Variants in MEI4 observed in about 807,000 individuals in gnomAD.
MEI4 encodes meiosis-specific protein MEI4.
A neutral mutation model predicts 31.4 loss-of-function variants in MEI4; 27 were observed. The observed-to-expected ratio is 0.86, with a 90% CI of 0.63 to 1.19. The LOEUF is 1.19. MEI4 is among the 50% of genes most tolerant of loss of function. The pLI is 0.00. For synonymous variants in MEI4, 122 were observed against 145.4 expected (o/e 0.84, Z 1.16); for missense variants, 329 against 398.9 (o/e 0.82, Z 1.49).
At chr6:77,695,091 C>T (rs1454021995) in intron 2 of MEI4, among the ~76,000 whole-genome samples, 1 of 152,204 alleles carries the variant, frequency 6.6e-6, no homozygotes, top group Non-Finnish European at 1.5e-5. Context: ...GTATCCTTCG[C>T]CCACTTTTTG....
intron 4 of MEI4, among the ~76,000 whole-genome samples, chr6:77,921,408 T>G (rs1766699730): frequency 6.6e-6 from 1 of 151,820 alleles, no homozygotes; most frequent in Non-Finnish European, 1.5e-5. Flanking sequence ...TAAGTGAATA[T>G]TGTGATTGGT....
intron 3 of MEI4, among the ~76,000 whole-genome samples, chr6:77,797,492 A>G (rs1288341487): frequency 2.0e-5 from 3 of 152,138 alleles, no homozygotes; most frequent in Non-Finnish European, 4.4e-5. Flanking sequence ...CTGCAAGCTG[A>G]GGAAGAAAGA....
In MEI4 at chr6:77,910,979, C is replaced by T. The variant is rs78993114; in HGVS notation, c.901-12110C>T. Reference sequence around the variant, plus strand: ...CATAGCCATTCTAACTGGAATGAGACGGATCACATTGTAGTTTTTATTTGC... The same window carrying T: ...CATAGCCATTCTAACTGGAATGAGATGGATCACATTGTAGTTTTTATTTGC... On this transcript the variant is annotated intron_variant, in intron 4 of 4. Coordinates refer to ENST00000684080, the MANE Select transcript of MEI4 (RefSeq NM_001322247.2). Among the ~76,000 whole-genome samples, 1,301 of 145,536 alleles carry T rather than the reference C, an allele frequency of 8.9e-3. 14 individuals carry two copies. Among genetic ancestry groups the T allele is most frequent in the African/African-American group, 0.027 (1,050 of 39,318 alleles).
intron 4 of MEI4, among the ~76,000 whole-genome samples, chr6:77,885,217 ACT>A (rs1251306047): frequency 1.3e-5 from 2 of 151,042 alleles, no homozygotes; most frequent in African/African-American, 4.9e-5. Flanking sequence ...ACAGGGGCTA[ACT>A]CTGTCACCCA....
chr6:77,848,569 T>C (rs1770540241), intron 4 of MEI4, among the ~76,000 whole-genome samples: 1 of 152,188 alleles, frequency 6.6e-6, no homozygotes, highest in South Asian at 2.1e-4. Context: ...AGAGTCCCTG[T>C]TGAGGGCCAT....
intron 1 of MEI4, among the ~76,000 whole-genome samples, chr6:77,665,794 A>G (rs1166927742): frequency 6.6e-6 from 1 of 152,128 alleles, no homozygotes; most frequent in Non-Finnish European, 1.5e-5. Flanking sequence ...TGGAAAGAAG[A>G]AAGTGGTTGA....
At chr6:77,825,406 C>T (rs1400265857) in intron 3 of MEI4, among the ~76,000 whole-genome samples, 2 of 152,154 alleles carry the variant, frequency 1.3e-5, no homozygotes, top group Non-Finnish European at 2.9e-5. Flanking sequence ...GGCCCCAGAG[C>T]TTTCCAGATT....
At chr6:77,753,546 A>G (rs772977932) in intron 2 of MEI4, among the ~76,000 whole-genome samples, 1 of 152,246 alleles carries the variant, frequency 6.6e-6, no homozygotes, top group Non-Finnish European at 1.5e-5. Flanking sequence ...CAAAACCACA[A>G]TGAGATATCA....
At position 77,847,390 on chromosome 6, in the gene MEI4, T is replaced by C. The variant is rs898029368; in HGVS notation, c.900+18328T>C. The stretch of plus-strand genomic sequence containing the variant: ...TTAAGTATGATTAATTCTTCCTTTT[T>C]TCCATAAGCATGAGAATGTATTGCT... On this transcript the variant is annotated intron_variant, in intron 4 of 4. Transcript: ENST00000684080. The surrounding 1 kb of genome is among the most constrained non-coding windows in gnomAD (Gnocchi z 4.6). 6.6e-6 allele frequency among the ~76,000 whole-genome samples: 1 copy of C among 152,194 alleles called. No individual in the cohort carries two copies. The highest frequency in any genetic ancestry group is 2.4e-5 in the African/African-American group (1 of 41,452).
intron 4 of MEI4, among the ~76,000 whole-genome samples, chr6:77,852,340 A>G (rs1201032054): frequency 1.3e-5 from 2 of 152,216 alleles, no homozygotes; most frequent in African/African-American, 4.8e-5. Context: ...TTTATTCACC[A>G]TGGCTTATAC....
At chr6:77,850,657 A>G (rs1039813580) in intron 4 of MEI4, among the ~76,000 whole-genome samples, 5 of 152,356 alleles carry the variant, frequency 3.3e-5, no homozygotes, top group South Asian at 2.1e-4. Context: ...AAATATTTAA[A>G]TGTTAGATCT....
At chr6:77,740,488 A>G (rs1189136469) in intron 2 of MEI4, among the ~76,000 whole-genome samples, 1 of 152,222 alleles carries the variant, frequency 6.6e-6, no homozygotes, top group Non-Finnish European at 1.5e-5. Context: ...AATGTGATAA[A>G]ATATATCCTT....
chr6:77,839,620 C>T (rs1770309735), intron 4 of MEI4, among the ~76,000 whole-genome samples: 1 of 152,114 alleles, frequency 6.6e-6, no homozygotes, highest in African/African-American at 2.4e-5. Context: ...ACCCAAACTT[C>T]AGAGTAAAGA....
chr6:77,883,742 A>ATATATG (rs922153293), intron 4 of MEI4, among the ~76,000 whole-genome samples: 1 of 139,856 alleles, frequency 7.2e-6, no homozygotes, highest in African/African-American at 2.8e-5. Flanking sequence ...ATATATATAT[A>ATATATG]TAACTTTGTC....
intron 3 of MEI4, among the ~76,000 whole-genome samples, chr6:77,790,643 T>G (rs936416718): frequency 1.3e-5 from 2 of 152,096 alleles, no homozygotes; most frequent in Admixed American, 1.3e-4. Flanking sequence ...ATTCATTATG[T>G]TTAGAGAACT....
chr6:77,920,028 G>A (rs550318815), intron 4 of MEI4, among the ~76,000 whole-genome samples: 8 of 146,742 alleles, frequency 5.5e-5, no homozygotes, highest in Admixed American at 1.4e-4. Flanking sequence ...ACCAAAAAGA[G>A]TCCAGGACCA....
chr6:77,796,475 T>C (rs1459732539), intron 3 of MEI4, among the ~76,000 whole-genome samples: 1 of 152,092 alleles, frequency 6.6e-6, no homozygotes, highest in Non-Finnish European at 1.5e-5. Context: ...AAAAATGCCA[T>C]CAAAAAACTG....
In MEI4 at chr6:77,730,326, T is replaced by G. The variant is rs555663277; in HGVS notation, c.233-30804T>G. Among the ~76,000 whole-genome samples the G allele has an allele frequency of 3.0e-4, 45 of 152,282 alleles. 1 individual carries two copies. Among genetic ancestry groups the G allele is most frequent in the Admixed American group, 2.3e-3 (35 of 15,296 alleles). On this transcript the variant is annotated intron_variant, in intron 2 of 4. Transcript: ENST00000684080. The stretch of plus-strand genomic sequence containing the variant: ...CACTTTGTAGCAGATTGTATCACCA[T>G]GACTTTGACCTTATTCTATAGGGCT...
intron 2 of MEI4, among the ~76,000 whole-genome samples, chr6:77,709,277 A>C (rs1016197336): frequency 2.0e-5 from 3 of 152,194 alleles, no homozygotes; most frequent in Non-Finnish European, 4.4e-5. Flanking sequence ...ATTCCTCATT[A>C]CTTTTAAAAA....
Sources: allele counts gnomAD v4.1 joint callset (sites outside exome capture counted in the v4.1 genomes callset), GRCh38; gene constraint gnomAD v4.1.1; non-coding constraint Gnocchi (gnomAD v3.1); transcripts MANE v1.5; gene names NCBI Gene and HGNC (gene_info 2026-07-23, HGNC 2026-07-21).